CTNNA3: variants seen among roughly 807,000 people sequenced by gnomAD.
CTNNA3 encodes the protein catenin alpha 3, also known as catenin alpha-3.
Under a neutral mutation model 95.7 loss-of-function variants are expected in CTNNA3, and 76 were observed. The observed-to-expected ratio is 0.79, with a 90% CI of 0.66 to 0.96. CTNNA3 has a LOEUF of 0.96. Ranked by LOEUF, CTNNA3 falls within the 40% of genes least tolerant of loss-of-function variation. CTNNA3 has a pLI of 0.00. For missense variants in CTNNA3, 1,191 were observed against 1,089.8 expected, an observed-to-expected ratio of 1.09 and a Z score of -1.31; for synonymous variants, 431 against 374.4, an observed-to-expected ratio of 1.15 and a Z score of -1.74.
intron 10 of CTNNA3, among the ~76,000 whole-genome samples, chr10:66,616,182 G>A (rs998622215): frequency 1.1e-4 from 16 of 152,074 alleles, no homozygotes; most frequent in Admixed American, 1.0e-3. Flanking sequence ...AAGGCTTCTA[G>A]ACCCACTTTT....
chr10:67,180,543 T>C (rs1317710409), intron 6 of CTNNA3, 23 bp from the exon 7 acceptor site: 13 of 1,558,464 alleles, frequency 8.3e-6, no homozygotes, highest in African/African-American at 1.4e-5. Flanking sequence ...CACATTTGTA[T>C]GGTTAGAGCT....
intron 9 of CTNNA3, among the ~76,000 whole-genome samples, chr10:66,724,369 A>G (rs902175558): frequency 6.6e-6 from 1 of 152,186 alleles, no homozygotes; most frequent in South Asian, 2.1e-4. Flanking sequence ...GACCCTTAGA[A>G]AACACATGGT....
intron 7 of CTNNA3, among the ~76,000 whole-genome samples, chr10:67,176,499 G>A (rs559683113): frequency 6.6e-6 from 1 of 152,292 alleles, no homozygotes; most frequent in East Asian, 1.9e-4. Context: ...TGTCTATAAT[G>A]GATTCGAAAT....
intron 7 of CTNNA3, among the ~76,000 whole-genome samples, chr10:66,933,364 A>C (rs1847517197): frequency 6.6e-6 from 1 of 152,216 alleles, no homozygotes; most frequent in African/African-American, 2.4e-5. Context: ...ACAAATAATT[A>C]TCAAACACAT....
intron 15 of CTNNA3, among the ~76,000 whole-genome samples, chr10:66,012,651 T>C (rs2079026630): frequency 6.6e-6 from 1 of 152,178 alleles, no homozygotes; most frequent in Non-Finnish European, 1.5e-5. Context: ...TAGAAACTAA[T>C]AGTTGAATGG....
chr10:66,926,239 TAAG>T, intron 7 of CTNNA3: 1 of 468,660 alleles, frequency 2.1e-6, no homozygotes, highest in Non-Finnish European at 4.0e-6. Context: ...TGTTTTTCGA[TAAG>T]AAGAAATTGT....
chr10:66,266,566 A>T (rs920682296), intron 13 of CTNNA3, among the ~76,000 whole-genome samples: 1 of 152,080 alleles, frequency 6.6e-6, no homozygotes, highest in African/African-American at 2.4e-5. Context: ...AATCAGAGAC[A>T]TGTTATACCT....
chr10:67,256,764 C>A lies in CTNNA3; in HGVS notation c.580-36894G>T, dbSNP rs545003590. ...ATTCACCCTAAGCTTTAATTAAAAT[C>A]ATTTAAGATCAAAAAGGGAGGTAGC... On this transcript the variant is annotated intron_variant, in intron 5 of 17. Coordinates refer to ENST00000433211, the MANE Select transcript of CTNNA3 (RefSeq NM_013266.4). Among the ~76,000 whole-genome samples the A allele has an allele frequency of 1.4e-4, 22 of 152,168 alleles. No homozygotes were observed. The South Asian group carries it at 4.4e-3, about 30-fold the overall frequency.
intron 9 of CTNNA3, among the ~76,000 whole-genome samples, chr10:66,726,789 C>T (rs935386270): frequency 1.3e-5 from 2 of 148,186 alleles, no homozygotes; most frequent in South Asian, 2.2e-4. Context: ...GCCCAGTAGC[C>T]TGTTGGGAAG....
At chr10:66,034,055 GAA>G (rs2079506912) in intron 15 of CTNNA3, among the ~76,000 whole-genome samples, 1 of 134,266 alleles carries the variant, frequency 7.4e-6, no homozygotes, top group Non-Finnish European at 1.6e-5. Context: ...AATGAGTTAA[GAA>G]AAGAATTTAG....
At chr10:67,498,936 T>A (rs1229758515) in intron 5 of CTNNA3, among the ~76,000 whole-genome samples, 1 of 152,218 alleles carries the variant, frequency 6.6e-6, no homozygotes, top group Non-Finnish European at 1.5e-5. Flanking sequence ...TTCTTTCTCT[T>A]GCCTGATTGC....
intron 13 of CTNNA3, among the ~76,000 whole-genome samples, chr10:66,179,478 T>C (rs1405229436): frequency 3.3e-5 from 5 of 152,078 alleles, no homozygotes; most frequent in South Asian, 2.1e-4. Flanking sequence ...AGCACCCTGG[T>C]TGGAATACTG....
At chr10:67,739,161 T>C (rs572614836) in intron 1 of CTNNA3, among the ~76,000 whole-genome samples, 62 of 151,994 alleles carry the variant, frequency 4.1e-4, no homozygotes, top group Non-Finnish European at 6.5e-4. Context: ...AAAGTTGAAA[T>C]GAAGGAAAAA....
chr10:66,289,206 T>C (rs570807406), intron 12 of CTNNA3, among the ~76,000 whole-genome samples: 40 of 151,738 alleles, frequency 2.6e-4, no homozygotes, highest in African/African-American at 8.2e-4. Flanking sequence ...TTCAATCTCA[T>C]TGATAGTTGT....
At chr10:66,462,597 C>T (rs1484165973) in intron 11 of CTNNA3, among the ~76,000 whole-genome samples, 1 of 152,014 alleles carries the variant, frequency 6.6e-6, no homozygotes, top group African/African-American at 2.4e-5. Context: ...ATTTACCTGA[C>T]AATGATACTA....
chr10:66,794,119 G>A (rs1048005802), intron 7 of CTNNA3, among the ~76,000 whole-genome samples: 2 of 152,082 alleles, frequency 1.3e-5, no homozygotes, highest in Admixed American at 6.6e-5. Context: ...CAGAACTAGG[G>A]CATGGTTTAG....
chr10:66,256,446 G>A (rs117305773), intron 13 of CTNNA3, among the ~76,000 whole-genome samples: 13,855 of 152,216 alleles, frequency 0.091, 850 homozygotes, highest in Non-Finnish European at 0.13. Flanking sequence ...TGCTTGGGGC[G>A]CGGTGGCTCA....
intron 5 of CTNNA3, among the ~76,000 whole-genome samples, chr10:67,391,294 T>A (rs1296152726): frequency 6.6e-6 from 1 of 151,442 alleles, no homozygotes; most frequent in Non-Finnish European, 1.5e-5. Flanking sequence ...ATGAGTGAAC[T>A]CCCATTCACA....
chr10:67,482,906 A>G (rs1848293701), intron 5 of CTNNA3, among the ~76,000 whole-genome samples: 1 of 152,118 alleles, frequency 6.6e-6, no homozygotes, highest in Non-Finnish European at 1.5e-5. Context: ...AGCTCTTACT[A>G]TTTTGAGATA....
Sources: allele counts gnomAD v4.1 joint callset (sites outside exome capture counted in the v4.1 genomes callset), GRCh38; gene constraint gnomAD v4.1.1; transcripts MANE v1.5; gene names NCBI Gene and HGNC (gene_info 2026-07-23, HGNC 2026-07-21).